The following ZNF385D variants were observed in gnomAD, a reference collection of about 807,000 sequenced individuals.
The protein encoded by ZNF385D is zinc finger protein 659.
ZNF385D carries 15 observed loss-of-function variants against 35.8 expected under a neutral mutation model. That is an observed-to-expected ratio of 0.42 (90% CI 0.28 to 0.64). The LOEUF (loss-of-function observed/expected upper bound fraction) is 0.64, where lower values mean the gene tolerates loss of function less well. ZNF385D is among the 30% of genes least tolerant of loss of function. The pLI, the probability that ZNF385D is intolerant of heterozygous loss-of-function variation, is 0.23. For missense variants in ZNF385D, 474 were observed against 494.6 expected (o/e 0.96, Z 0.39); for synonymous variants, 212 against 186.8 (o/e 1.13, Z -1.10).
chr3:21,620,829 C>T (rs934077764), intron 2 of ZNF385D, among the ~76,000 whole-genome samples: 1 of 152,112 alleles, frequency 6.6e-6, no homozygotes, highest in Non-Finnish European at 1.5e-5. Flanking sequence ...ATTGACAAGG[C>T]GCACGGAGCC....
intron 2 of ZNF385D, among the ~76,000 whole-genome samples, chr3:21,610,144 C>A (rs1261254004): frequency 3.4e-5 from 5 of 148,996 alleles, no homozygotes; most frequent in African/African-American, 2.5e-5. Flanking sequence ...TCGCATCTAC[C>A]AAAAAAAAAA....
At chr3:21,546,640 A>C (rs2062382330) in intron 3 of ZNF385D, among the ~76,000 whole-genome samples, 1 of 151,868 alleles carries the variant, frequency 6.6e-6, no homozygotes, top group South Asian at 2.1e-4. Flanking sequence ...AGGGATCCAG[A>C]GGCAAGCAGA....
chr3:21,674,080 C>T (rs1346324634), intron 1 of ZNF385D, among the ~76,000 whole-genome samples: 1 of 152,064 alleles, frequency 6.6e-6, no homozygotes, highest in Non-Finnish European at 1.5e-5. Flanking sequence ...CTTGCCTGCA[C>T]GAACTTCTCT....
At position 22,219,228 on chromosome 3, in the gene ZNF385D, T is replaced by C. The variant is rs369110832; in HGVS notation, c.107-50193A>G. Among the ~76,000 whole-genome samples the C allele has an allele frequency of 5.4e-4, 82 of 152,298 alleles. 1 individual carries two copies. In the South Asian group the frequency reaches 0.017, roughly 31 times the overall value. On this transcript the variant is annotated intron_variant, in intron 2 of 5. Transcript: ENST00000494108. Reference sequence around the variant, plus strand: ...GTCACAATTTCTGTAAAAATTCCGTTTTCAGTGCTCTCCTAGATGTGTCTC... The same window carrying C: ...GTCACAATTTCTGTAAAAATTCCGTCTTCAGTGCTCTCCTAGATGTGTCTC...
intron 2 of ZNF385D, among the ~76,000 whole-genome samples, chr3:22,206,032 A>G (rs1364647612): frequency 6.6e-6 from 1 of 151,988 alleles, no homozygotes; most frequent in Non-Finnish European, 1.5e-5. Flanking sequence ...AATGGTTTAT[A>G]GAAACACACT....
At chr3:21,944,206 G>C (rs1701667278) in intron 3 of ZNF385D, among the ~76,000 whole-genome samples, 1 of 152,262 alleles carries the variant, frequency 6.6e-6, no homozygotes, top group South Asian at 2.1e-4. Flanking sequence ...AATGAAAAGA[G>C]AGCAGGCTGT....
At chr3:21,533,090 C>T (rs1054408959) in intron 3 of ZNF385D, among the ~76,000 whole-genome samples, 4 of 152,114 alleles carry the variant, frequency 2.6e-5, no homozygotes, top group African/African-American at 9.7e-5. Flanking sequence ...ACAAACAAGG[C>T]CACAAGCCAT....
intron 3 of ZNF385D, among the ~76,000 whole-genome samples, chr3:21,948,634 T>C (rs1701910129): frequency 6.6e-6 from 1 of 152,156 alleles, no homozygotes; most frequent in African/African-American, 2.4e-5. Context: ...TTATCAGTTT[T>C]ATTTTTTCTA....
At chr3:22,100,880 T>C (rs1701903504) in intron 3 of ZNF385D, among the ~76,000 whole-genome samples, 2 of 151,528 alleles carry the variant, frequency 1.3e-5, no homozygotes, top group Non-Finnish European at 2.9e-5. Context: ...TAAAATAAAA[T>C]AAATAAAAAT....
rs547720811 is a variant in ZNF385D at position 21,825,283 on chromosome 3, C to T, written c.326-160255G>A. Among the ~76,000 whole-genome samples, 23 of 152,270 alleles carry T rather than the reference C, an allele frequency of 1.5e-4. No homozygotes were observed. The South Asian group carries it at 3.5e-3, about 23-fold the overall frequency. On this transcript the variant is annotated intron_variant, in intron 3 of 5. Transcript: ENST00000494108. ...TTGGCTCTATGAAGCTTGCATCTAA[C>T]TCATGTATCACTTGTTTTCTTACCT...
intron 2 of ZNF385D, among the ~76,000 whole-genome samples, chr3:21,658,604 C>G (rs1016390972): frequency 1.7e-5 from 2 of 117,968 alleles, no homozygotes; most frequent in African/African-American, 5.2e-5. Flanking sequence ...TCTATCTATT[C>G]CACTCTATTC....
intron 1 of ZNF385D, among the ~76,000 whole-genome samples, chr3:21,736,445 A>T (rs1281206967): frequency 6.6e-6 from 1 of 152,238 alleles, no homozygotes; most frequent in Non-Finnish European, 1.5e-5. Flanking sequence ...TTTGCCTCTT[A>T]ATGCCCACCG....
intron 1 of ZNF385D, among the ~76,000 whole-genome samples, chr3:21,668,358 A>G (rs190163449): frequency 1.2e-4 from 19 of 152,260 alleles, no homozygotes; most frequent in African/African-American, 4.6e-4. Context: ...AAAGTTCCTC[A>G]TGGCATCTAG....
intron 3 of ZNF385D, among the ~76,000 whole-genome samples, chr3:21,856,624 A>G (rs937080000): frequency 6.6e-6 from 1 of 151,788 alleles, no homozygotes; most frequent in Admixed American, 6.6e-5. Context: ...CACATTCAGA[A>G]TAAATCCAGA....
In ZNF385D at chr3:21,783,711, A is replaced by T. The variant is rs541520123; in HGVS notation, c.326-118683T>A. Among the ~76,000 whole-genome samples, 4 of 152,308 alleles carry T rather than the reference A, an allele frequency of 2.6e-5. No homozygotes were observed. In the South Asian group the frequency reaches 6.2e-4, roughly 24 times the overall value. ...GCATGCACGAAGAACACCGTAACAG[A>T]AGCACAAAGGCACCAGGTAAAAGAT... On this transcript the variant is annotated intron_variant, in intron 3 of 5. Coordinates refer to the ZNF385D transcript ENST00000494108.
In ZNF385D at chr3:21,770,856, T is replaced by C. The variant is rs547371376; in HGVS notation, c.326-105828A>G. Among the ~76,000 whole-genome samples, 29 of 152,108 alleles carry C rather than the reference T, an allele frequency of 1.9e-4. No homozygotes were observed. The South Asian group carries it at 3.5e-3, about 18-fold the overall frequency. ...AACCAACCCAAATGTCCAACAATGATAGATTGGATTAAGAAAATGTGGCAC... is the reference window on the plus strand; with the variant it reads ...AACCAACCCAAATGTCCAACAATGACAGATTGGATTAAGAAAATGTGGCAC... On this transcript the variant is annotated intron_variant, in intron 3 of 5. Coordinates refer to the ZNF385D transcript ENST00000494108.
chr3:21,827,142 TTAAC>T (rs773675476), intron 3 of ZNF385D, among the ~76,000 whole-genome samples: 3 of 152,328 alleles, frequency 2.0e-5, no homozygotes, highest in South Asian at 2.1e-4. Flanking sequence ...ACTTTGAACA[TTAAC>T]TAACACACTG....
chr3:21,574,060 CAAAA>C (rs57041075), intron 2 of ZNF385D, among the ~76,000 whole-genome samples: 1 of 129,062 alleles, frequency 7.7e-6, no homozygotes, highest in Non-Finnish European at 1.6e-5. Context: ...AACTCCGTCT[CAAAA>C]AAAAAAAAAA....
intron 3 of ZNF385D, among the ~76,000 whole-genome samples, chr3:21,948,073 A>G (rs546304703): frequency 7.2e-5 from 11 of 152,246 alleles, no homozygotes; most frequent in African/African-American, 2.6e-4. Context: ...GTTATAATTT[A>G]CTAATTAATG....
Sources: allele counts gnomAD v4.1 joint callset (sites outside exome capture counted in the v4.1 genomes callset), GRCh38; gene constraint gnomAD v4.1.1; transcripts MANE v1.5; gene names NCBI Gene and HGNC (gene_info 2026-07-23, HGNC 2026-07-21).